Variants in PCDH9 observed in about 807,000 individuals in gnomAD.
PCDH9 encodes protocadherin-9.
Under a neutral mutation model 70.6 loss-of-function variants are expected in PCDH9, and 24 were observed. The observed-to-expected ratio is 0.34, with a 90% CI of 0.25 to 0.48. The LOEUF (loss-of-function observed/expected upper bound fraction) is 0.48, where lower values mean the gene tolerates loss of function less well. Among genes scored for constraint, PCDH9 ranks in the 20% least tolerant of loss-of-function variants. The pLI is 0.99. For synonymous variants in PCDH9, 562 were observed against 558.5 expected, an observed-to-expected ratio of 1.01 and a Z score of -0.09; for missense variants, 1,281 against 1,503.6, an observed-to-expected ratio of 0.85 and a Z score of 2.45.
intron 3 of PCDH9, among the ~76,000 whole-genome samples, chr13:66,767,825 T>A (rs774446741): frequency 2.6e-5 from 4 of 152,108 alleles, no homozygotes; most frequent in Non-Finnish European, 4.4e-5. Context: ...CTTCCCTCTT[T>A]CTTCCAGAAA....
chr13:67,149,540 A>G (rs2087606984), intron 2 of PCDH9, among the ~76,000 whole-genome samples: 1 of 152,004 alleles, frequency 6.6e-6, no homozygotes, highest in Non-Finnish European at 1.5e-5. Flanking sequence ...CAAAACATCA[A>G]CTTTCATACA....
intron 3 of PCDH9, among the ~76,000 whole-genome samples, chr13:66,819,390 T>C (rs1051173263): frequency 6.6e-6 from 1 of 152,022 alleles, no homozygotes; most frequent in Non-Finnish European, 1.5e-5. Context: ...TGAATAACCT[T>C]GGAAGGACCT....
chr13:66,510,904 T>C (rs1300881940), intron 4 of PCDH9, among the ~76,000 whole-genome samples: 1 of 152,212 alleles, frequency 6.6e-6, no homozygotes, highest in African/African-American at 2.4e-5. Flanking sequence ...ACCTTTTGGA[T>C]GACCCCTGAA....
intron 4 of PCDH9, among the ~76,000 whole-genome samples, chr13:66,408,362 C>A (rs1019205474): frequency 6.6e-6 from 1 of 152,198 alleles, no homozygotes; most frequent in African/African-American, 2.4e-5. Context: ...TCTCCATTCC[C>A]AATTTCCTTA....
intron 4 of PCDH9, among the ~76,000 whole-genome samples, chr13:66,410,643 G>A (rs1209374033): frequency 1.3e-5 from 2 of 152,186 alleles, no homozygotes; most frequent in Non-Finnish European, 2.9e-5. Context: ...GGACAGAAAT[G>A]TTGCTGAGTG....
chr13:67,141,587 C>A (rs2087390142), intron 2 of PCDH9, among the ~76,000 whole-genome samples: 1 of 151,798 alleles, frequency 6.6e-6, no homozygotes. Flanking sequence ...ATTACAGGTG[C>A]CTGCCACCAC....
At chr13:66,549,237 A>G (rs1290455805) in intron 4 of PCDH9, among the ~76,000 whole-genome samples, 2 of 152,126 alleles carry the variant, frequency 1.3e-5, no homozygotes. Flanking sequence ...TTAGCATGGC[A>G]GCATTTTCGG....
At chr13:66,858,383 A>AGG (rs1262940294) in intron 3 of PCDH9, among the ~76,000 whole-genome samples, 2 of 152,166 alleles carry the variant, frequency 1.3e-5, no homozygotes, top group African/African-American at 4.8e-5. Context: ...AAATGTCCAA[A>AGG]TTCGTTAGAT....
intron 2 of PCDH9, among the ~76,000 whole-genome samples, chr13:67,140,370 A>G (rs1321405347): frequency 6.6e-6 from 1 of 152,172 alleles, no homozygotes; most frequent in Non-Finnish European, 1.5e-5. Context: ...AGAGAAAAAT[A>G]TTGCAATATT....
chr13:67,017,487 C>T (rs184969169), intron 2 of PCDH9, among the ~76,000 whole-genome samples: 17 of 152,208 alleles, frequency 1.1e-4, no homozygotes, highest in Non-Finnish European at 1.9e-4. Context: ...AGATGGGCAC[C>T]ATGAGGGGAA....
At chr13:67,191,149 C>T (rs1207170083) in intron 2 of PCDH9, among the ~76,000 whole-genome samples, 1 of 152,058 alleles carries the variant, frequency 6.6e-6, no homozygotes, top group Non-Finnish European at 1.5e-5. Context: ...AAACAATTCA[C>T]TCTCTGAGCT....
At chr13:66,313,746 A>G (rs1388283418) in intron 4 of PCDH9, among the ~76,000 whole-genome samples, 1 of 152,182 alleles carries the variant, frequency 6.6e-6, no homozygotes, top group Non-Finnish European at 1.5e-5. Flanking sequence ...ATATAACTTC[A>G]GCCTTGTTTC....
chr13:66,491,447 T>C (rs1322481148), intron 4 of PCDH9, among the ~76,000 whole-genome samples: 1 of 127,074 alleles, frequency 7.9e-6, no homozygotes, highest in Admixed American at 8.2e-5. Context: ...GCTCAGTGAA[T>C]ATGTAGTGAG....
chr13:66,876,958 T>C (rs2081823299), intron 3 of PCDH9: 1 of 151,990 alleles, frequency 6.6e-6, no homozygotes, highest in Non-Finnish European at 1.5e-5. Flanking sequence ...ATAATACCTA[T>C]CTCATAGATT....
chr13:67,033,163 T>C (rs2139889589), intron 2 of PCDH9, among the ~76,000 whole-genome samples: 1 of 152,318 alleles, frequency 6.6e-6, no homozygotes, highest in East Asian at 1.9e-4. Flanking sequence ...GATATTTCTC[T>C]CTCTTTTCTG....
At chr13:67,176,747 A>G (rs545486698) in intron 2 of PCDH9, among the ~76,000 whole-genome samples, 2 of 152,084 alleles carry the variant, frequency 1.3e-5, no homozygotes, top group African/African-American at 4.8e-5. Flanking sequence ...TTCATGGGAC[A>G]TTTTTTGTCA....
chr13:66,945,381 G>A (rs2083072132), intron 2 of PCDH9, among the ~76,000 whole-genome samples: 2 of 151,934 alleles, frequency 1.3e-5, no homozygotes, highest in African/African-American at 2.4e-5. Context: ...CTGTGCATAC[G>A]TACATAGTGA....
intron 3 of PCDH9, among the ~76,000 whole-genome samples, chr13:66,878,940 C>G (rs540755957): frequency 6.6e-6 from 1 of 152,214 alleles, no homozygotes; most frequent in East Asian, 1.9e-4. Context: ...ATCACAACCA[C>G]AGTAAACAAT....
intron 2 of PCDH9, among the ~76,000 whole-genome samples, chr13:67,143,872 A>G (rs1022141529): frequency 1.3e-5 from 2 of 152,200 alleles, no homozygotes; most frequent in African/African-American, 4.8e-5. Flanking sequence ...CTTTAGGAAG[A>G]CGATGAAAGG....
Sources: allele counts gnomAD v4.1 joint callset (sites outside exome capture counted in the v4.1 genomes callset), GRCh38; gene constraint gnomAD v4.1.1; transcripts MANE v1.5; gene names NCBI Gene and HGNC (gene_info 2026-07-23, HGNC 2026-07-21).